The following FSTL5 variants were observed in gnomAD, a reference collection of about 807,000 sequenced individuals.
FSTL5 encodes the protein follistatin like 5.
Under a neutral mutation model 89.1 loss-of-function variants are expected in FSTL5, and 62 were observed. The ratio of observed to expected loss-of-function variants is 0.70; its 90% CI spans 0.57 to 0.86. FSTL5 has a LOEUF of 0.86. Ranked by LOEUF, FSTL5 falls within the 40% of genes least tolerant of loss-of-function variation. The pLI is 0.00. For missense variants in FSTL5, 1,057 were observed against 1,001.6 expected, an observed-to-expected ratio of 1.06 and a Z score of -0.75; for synonymous variants, 383 against 346.2, an observed-to-expected ratio of 1.11 and a Z score of -1.18.
At chr4:161,438,244 C>T (rs1732640313) in intron 15 of FSTL5, among the ~76,000 whole-genome samples, 1 of 147,204 alleles carries the variant, frequency 6.8e-6, no homozygotes, top group Non-Finnish European at 1.5e-5. Context: ...GTTGAGCCAT[C>T]TGAAGTGATT....
intron 3 of FSTL5, among the ~76,000 whole-genome samples, chr4:161,967,113 T>G (rs970691135): frequency 1.3e-5 from 2 of 151,920 alleles, no homozygotes; most frequent in African/African-American, 4.8e-5. Flanking sequence ...AAAATAAAAT[T>G]TTACAACGTT....
chr4:161,848,142 C>G (rs891944542), intron 4 of FSTL5, among the ~76,000 whole-genome samples: 1 of 148,506 alleles, frequency 6.7e-6, no homozygotes, highest in African/African-American at 2.5e-5. Flanking sequence ...GCATTGCAAA[C>G]TTACAGTAAT....
rs185348843 is a variant in FSTL5 at position 161,979,294 on chromosome 4, G to A, written c.160+54331C>T. On this transcript the variant is annotated intron_variant, in intron 3 of 15. Coordinates refer to ENST00000306100, the MANE Select transcript of FSTL5 (RefSeq NM_020116.5). ...TGTGGCATAGATTTGAACACAATTTGCAGCCTGGAGTAAATCACAATATCA... is the reference window on the plus strand; with the variant it reads ...TGTGGCATAGATTTGAACACAATTTACAGCCTGGAGTAAATCACAATATCA... Among the ~76,000 whole-genome samples, 4 of 152,238 alleles carry A rather than the reference G, an allele frequency of 2.6e-5. No individual in the cohort carries two copies. The East Asian group carries it at 7.7e-4, about 29-fold the overall frequency.
At chr4:161,459,750 TA>T (rs1733494960) in intron 13 of FSTL5, among the ~76,000 whole-genome samples, 1 of 152,010 alleles carries the variant, frequency 6.6e-6, no homozygotes, top group African/African-American at 2.4e-5. Flanking sequence ...AGATTTATTT[TA>T]TCCCAATTCT....
intron 6 of FSTL5, among the ~76,000 whole-genome samples, chr4:161,679,105 A>G (rs1295718700): frequency 3.3e-5 from 5 of 151,762 alleles, no homozygotes; most frequent in Non-Finnish European, 4.4e-5. Flanking sequence ...AAAGATCTTA[A>G]GTAATTTTTC....
At chr4:161,954,137 A>T (rs1430607472) in intron 3 of FSTL5, among the ~76,000 whole-genome samples, 1 of 151,646 alleles carries the variant, frequency 6.6e-6, no homozygotes, top group Non-Finnish European at 1.5e-5. Flanking sequence ...AAAACAAAAA[A>T]ATGAAGATGT....
intron 7 of FSTL5, among the ~76,000 whole-genome samples, chr4:161,589,274 A>T (rs1346698506): frequency 6.6e-6 from 1 of 152,124 alleles, no homozygotes; most frequent in Non-Finnish European, 1.5e-5. Flanking sequence ...CCTGGGTTCC[A>T]GTGATTCTCC....
intron 15 of FSTL5, among the ~76,000 whole-genome samples, chr4:161,436,031 CA>C (rs1346578408): frequency 6.6e-6 from 1 of 152,062 alleles, no homozygotes; most frequent in African/African-American, 2.4e-5. Context: ...GATTGGCTGA[CA>C]ATCTATTACT....
chr4:162,109,220 G>T (rs1731342137), intron 2 of FSTL5, among the ~76,000 whole-genome samples: 1 of 151,964 alleles, frequency 6.6e-6, no homozygotes, highest in African/African-American at 2.4e-5. Context: ...CAATCTTCAA[G>T]GTGTCAGAGA....
intron 15 of FSTL5, among the ~76,000 whole-genome samples, chr4:161,409,934 A>C (rs541760497): frequency 1.3e-5 from 2 of 152,328 alleles, no homozygotes; most frequent in African/African-American, 4.8e-5. Context: ...AAAGACACAG[A>C]GTAGCACGTT....
rs143536793 is a variant in FSTL5, at chr4:161,585,189, C to T, written c.1015+2266G>A. On this transcript the variant is annotated intron_variant, in intron 8 of 15. Coordinates refer to ENST00000306100, the MANE Select transcript of FSTL5 (RefSeq NM_020116.5). ...TTGCAACATAAAGCCGGCAGTTTGG[C>T]TCAAAGTCTCCTTCATGGGTTTCCC... Among the ~76,000 whole-genome samples the T allele has an allele frequency of 5.9e-5, 9 of 152,286 alleles. No individual in the cohort carries two copies. The East Asian group carries it at 1.4e-3, about 23-fold the overall frequency.
In FSTL5 at chr4:161,891,420, T is replaced by TA. The variant is rs371567001; in HGVS notation, c.409+28983dup. ...ACAATCAGAAAGACAACTTAGTTGG[T>TA]AAAAAACATAGTCTGGTAGAATAAA... On this transcript the variant is annotated intron_variant, in intron 4 of 15. Coordinates refer to ENST00000306100, the MANE Select transcript of FSTL5 (RefSeq NM_020116.5). 1.2e-3 allele frequency among the ~76,000 whole-genome samples: 179 copies of TA among 152,248 alleles called. 1 individual carries two copies. The highest frequency in any genetic ancestry group is 4.1e-3 in the African/African-American group (172 of 41,576).
At chr4:161,898,308 C>T (rs1391994220) in intron 4 of FSTL5, among the ~76,000 whole-genome samples, 2 of 151,438 alleles carry the variant, frequency 1.3e-5, no homozygotes, top group African/African-American at 2.4e-5. Flanking sequence ...AAAAAATCTT[C>T]ATCGCATTCA....
At chr4:161,401,625 C>T (rs1347861319) in intron 15 of FSTL5, among the ~76,000 whole-genome samples, 9 of 152,182 alleles carry the variant, frequency 5.9e-5, no homozygotes, top group East Asian at 1.9e-4. Flanking sequence ...CCCAGGTTCA[C>T]GCCATTCCCC....
chr4:161,991,378 T>TC (rs1239993674), intron 3 of FSTL5, among the ~76,000 whole-genome samples: 1 of 135,364 alleles, frequency 7.4e-6, no homozygotes, highest in African/African-American at 2.6e-5. Context: ...TTTTCTAGTC[T>TC]TTTTTTTTCC....
chr4:161,827,143 G>A (rs919251069), intron 4 of FSTL5, among the ~76,000 whole-genome samples: 1 of 152,116 alleles, frequency 6.6e-6, no homozygotes, highest in African/African-American at 2.4e-5. Context: ...GTCCCACAGG[G>A]TGCTCCCTTG....
chr4:161,577,913 T>C (rs1415581433), intron 8 of FSTL5, among the ~76,000 whole-genome samples: 7 of 152,038 alleles, frequency 4.6e-5, no homozygotes. Flanking sequence ...TCATACTGCA[T>C]ATCAGAAGGA....
chr4:161,777,243 G>GTGTATATATA (rs1553965044), intron 4 of FSTL5, among the ~76,000 whole-genome samples: 4 of 145,028 alleles, frequency 2.8e-5, no homozygotes, highest in South Asian at 2.2e-4. Flanking sequence ...ATTTCATTGT[G>GTGTATATATA]TATATATATA....
chr4:162,122,961 T>C (rs1579045867), intron 1 of FSTL5, among the ~76,000 whole-genome samples: 1 of 152,246 alleles, frequency 6.6e-6, no homozygotes, highest in South Asian at 2.1e-4. Flanking sequence ...TTCATTGCCT[T>C]CTACCTTGAT....
Sources: gnomAD v4.1 joint callset for allele counts (sites outside exome capture counted in the v4.1 genomes callset) on GRCh38, gnomAD v4.1.1 for gene constraint, MANE v1.5 for transcripts, NCBI Gene and HGNC (gene_info 2026-07-23, HGNC 2026-07-21) for gene names.